Variants in FBRSL1 observed in about 807,000 individuals in gnomAD.
FBRSL1 encodes the protein fibrosin-1-like protein.
In FBRSL1, 51 loss-of-function variants were observed where a neutral mutation model predicts 89.6. That is an observed-to-expected ratio of 0.57 (90% CI 0.45 to 0.72). The LOEUF (loss-of-function observed/expected upper bound fraction) is 0.72, where lower values mean the gene tolerates loss of function less well. FBRSL1 is among the 30% of genes least tolerant of loss of function. The pLI is 0.00. For missense variants in FBRSL1, 1,618 were observed against 1,451.8 expected, an observed-to-expected ratio of 1.11 and a Z score of -1.86; for synonymous variants, 779 against 681.1, an observed-to-expected ratio of 1.14 and a Z score of -2.24.
At chr12:132,525,548 C>T (rs1213609973) in intron 2 of FBRSL1, among the ~76,000 whole-genome samples, 186 bp from the exon 3 acceptor site, 2 of 152,186 alleles carry the variant, frequency 1.3e-5, no homozygotes, top group African/African-American at 4.8e-5. Context: ...TGCTGCTGCT[C>T]CCGCCCCCAG....
intron 4 of FBRSL1, among the ~76,000 whole-genome samples, chr12:132,529,745 C>CTTCTCTGCCACCCTGGGCTT: frequency 6.6e-6 from 1 of 151,712 alleles, no homozygotes; most frequent in Non-Finnish European, 1.5e-5. Context: ...ACCCTGGGCT[C>CTTCTCTGCCACCCTGGGCTT]TTCTCTGCCA....
intron 2 of FBRSL1, among the ~76,000 whole-genome samples, chr12:132,516,316 C>G (rs569936501): frequency 5.0e-4 from 76 of 152,068 alleles, no homozygotes; most frequent in African/African-American, 1.8e-3. Flanking sequence ...TCCTGAGTAG[C>G]TGGGATCACA....
At chr12:132,558,522 C>A (rs1333539677) in intron 5 of FBRSL1, among the ~76,000 whole-genome samples, 1 of 152,228 alleles carries the variant, frequency 6.6e-6, no homozygotes, top group Non-Finnish European at 1.5e-5. Context: ...AACAGCAGGG[C>A]TTTGGGGGCG....
chr12:132,567,619 G>A (rs2039718923), intron 6 of FBRSL1, 93 bp downstream of exon 6: 5 of 1,344,436 alleles, frequency 3.7e-6, no homozygotes, highest in Non-Finnish European at 4.2e-6. Flanking sequence ...GAAGTCAGGG[G>A]AGAGATGGTC....
At chr12:132,574,271 C>T (rs999075809) in intron 12 of FBRSL1, 48 bp from the exon 13 acceptor site, 14 of 1,482,514 alleles carry the variant, frequency 9.4e-6, no homozygotes, top group Non-Finnish European at 3.6e-6. Context: ...CCCCAGGACT[C>T]AGCCTCCTGA....
rs1035961691 is a variant in FBRSL1, at chr12:132,536,701, T to C, written c.615+8713T>C. 2.6e-5 allele frequency among the ~76,000 whole-genome samples: 4 copies of C among 151,696 alleles called. No homozygotes were observed. The East Asian group carries it at 7.8e-4, about 30-fold the overall frequency. On this transcript the variant is annotated intron_variant, in intron 4 of 18. Coordinates refer to ENST00000680143, the MANE Select transcript of FBRSL1 (RefSeq NM_001367871.1). ...GACGTGTGAGTGCACGTGTACATGA[T>C]GTACATGACAGTGTGTGTGAGTATA...
intron 4 of FBRSL1, among the ~76,000 whole-genome samples, chr12:132,542,960 C>T (rs1184043310): frequency 6.6e-6 from 1 of 152,202 alleles, no homozygotes; most frequent in East Asian, 1.9e-4. Context: ...GCCCCAACCC[C>T]AACCCGTAGC....
intron 9 of FBRSL1, chr12:132,571,783 G>A (rs191721532): frequency 1.2e-5 from 4 of 338,860 alleles, no homozygotes; most frequent in East Asian, 5.4e-5. Flanking sequence ...ACACCCTCAC[G>A]CCTGCACTAG....
chr12:132,537,550 T>A (rs2036865428), intron 4 of FBRSL1, among the ~76,000 whole-genome samples: 1 of 152,188 alleles, frequency 6.6e-6, no homozygotes, highest in Admixed American at 6.5e-5. Context: ...TTTTAAAGCA[T>A]TTAGACCCAA....
At chr12:132,504,221 ACAGGCAGCCCCGTCCCAAAGAGGGGC>A (rs2033385408) in intron 1 of FBRSL1, among the ~76,000 whole-genome samples, 2 of 104,720 alleles carry the variant, frequency 1.9e-5, no homozygotes, top group South Asian at 4.2e-4. Context: ...CTTGGTGCAA[ACAGGCAGCCCCGTCCCAAAGAGGGGC>A]AGCAGGGCTC....
At chr12:132,558,945 G>T (rs949395998) in intron 5 of FBRSL1, among the ~76,000 whole-genome samples, 3 of 152,370 alleles carry the variant, frequency 2.0e-5, no homozygotes, top group Middle Eastern at 3.4e-3. Flanking sequence ...CTTCCCGACT[G>T]CCGGGTCCAG....
At chr12:132,541,315 AC>A (rs2037250462) in intron 4 of FBRSL1, among the ~76,000 whole-genome samples, 1 of 152,198 alleles carries the variant, frequency 6.6e-6, no homozygotes, top group Admixed American at 6.5e-5. Context: ...CTATGCCAGT[AC>A]CGTGGATGGC....
rs1426715637 is a variant in FBRSL1, at chr12:132,490,739, G to A, written c.169G>A (p.Ala57Thr). Residue 57 changes from alanine to threonine, a missense_variant, in exon 1 of 19, where the codon GCC (alanine) becomes ACC (threonine). By Grantham distance (58) the Ala-to-Thr change is moderately conservative. Transcript: ENST00000680143. ...AGLRGAPPRG[A>T]APAPRTARPP... ...CCTCCGCGGCGCGCCCCCCCGAGGC[G>A]CCGCCCCCGCGCCCCGCACCGCGCG... is the stretch of plus-strand genomic sequence containing the variant. 8.9e-6 allele frequency: 9 copies of A among 1,005,938 alleles called. No homozygotes were observed. Among genetic ancestry groups the A allele is most frequent in the Non-Finnish European group, 9.4e-6 (8 of 846,612 alleles). The allele number at this position is 1,005,938 out of a possible 1,614,324, so 62.3% of individuals were successfully genotyped here. A position where few individuals can be genotyped will look rare whatever the true frequency, so the allele number is the denominator to read the frequency against.
In FBRSL1 at chr12:132,499,037, C is replaced by G. The variant is rs1382734596; in HGVS notation, c.291+8176C>G. Among the ~76,000 whole-genome samples the G allele has an allele frequency of 6.6e-6, 1 of 152,346 alleles. No homozygotes were observed. Among genetic ancestry groups the G allele is most frequent in the African/African-American group, 2.4e-5 (1 of 41,580 alleles). On this transcript the variant is annotated intron_variant, in intron 1 of 18. Coordinates refer to ENST00000680143, the MANE Select transcript of FBRSL1 (RefSeq NM_001367871.1). The surrounding 1 kb of genome is among the most constrained non-coding windows in gnomAD (Gnocchi z 4.3). ...GTATGTGACCAAGGGTACCTGCCAC[C>G]TCTGCTGTCCCCTGGGACAGTGCTC...
chr12:132,543,809 C>T (rs565757361), intron 4 of FBRSL1, among the ~76,000 whole-genome samples: 42 of 152,344 alleles, frequency 2.8e-4, no homozygotes, highest in Admixed American at 2.0e-3. Flanking sequence ...TCACGGAGGA[C>T]GAAACCGGTG....
At chr12:132,573,371 CAG>C (rs1566234523) in intron 11 of FBRSL1, among the ~76,000 whole-genome samples, 2 of 152,204 alleles carry the variant, frequency 1.3e-5, no homozygotes, top group African/African-American at 4.8e-5. Flanking sequence ...CGTGGACGGG[CAG>C]ATAGTGCTTC....
chr12:132,510,637 C>T lies in FBRSL1; in HGVS notation c.489+2287C>T, dbSNP rs998447254. 3.5e-5 allele frequency: 43 copies of T among 1,230,170 alleles called. No individual in the cohort carries two copies. The African/African-American group carries it at 6.1e-4, about 17-fold the overall frequency. The allele number at this position is 1,230,170 out of a possible 1,614,324, so 76.2% of individuals were successfully genotyped here. A position where few individuals can be genotyped will look rare whatever the true frequency, so the allele number is the denominator to read the frequency against. ...ATTGAGGCTCGGCCAGAGGCGGGAG[C>T]CCCTACAGTGCCACGATCAGGCTGA... On this transcript the variant is annotated intron_variant, in intron 2 of 18. Transcript: ENST00000680143.
chr12:132,542,097 C>T (rs4883559), intron 4 of FBRSL1, among the ~76,000 whole-genome samples: 51 of 152,304 alleles, frequency 3.3e-4, no homozygotes, highest in Non-Finnish European at 6.6e-4. Flanking sequence ...CATTGGGACA[C>T]GTGGCAGGAC....
rs1412550652 is a variant in FBRSL1, at chr12:132,499,620, G to T, written c.292-8533G>T. Among the ~76,000 whole-genome samples, 1 of 151,978 alleles carries T rather than the reference G, an allele frequency of 6.6e-6. No homozygotes were observed. Among genetic ancestry groups the T allele is most frequent in the Non-Finnish European group, 1.5e-5 (1 of 67,978 alleles). The stretch of plus-strand genomic sequence containing the variant: ...CACCGTGGCGTGGCGGTTCCCGAGA[G>T]CCCGTCAGGAAGGGCACATGTAGCA... On this transcript the variant is annotated intron_variant, in intron 1 of 18. Transcript: ENST00000680143. The surrounding 1 kb of genome is among the most constrained non-coding windows in gnomAD (Gnocchi z 4.3).
Sources: allele counts gnomAD v4.1 joint callset (sites outside exome capture counted in the v4.1 genomes callset), GRCh38; gene constraint gnomAD v4.1.1; non-coding constraint Gnocchi (gnomAD v3.1); transcripts MANE v1.5; gene names NCBI Gene and HGNC (gene_info 2026-07-23, HGNC 2026-07-21).